The following SCARA5 variants were observed in gnomAD, a reference collection of about 807,000 sequenced individuals.
The protein encoded by SCARA5 is scavenger receptor class A member 5.
A neutral mutation model predicts 46.3 loss-of-function variants in SCARA5; 45 were observed. The ratio of observed to expected loss-of-function variants is 0.97; its 90% CI spans 0.76 to 1.24. The LOEUF is 1.24. Among genes scored for constraint, SCARA5 ranks in the 50% most tolerant of loss-of-function variants. The probability of loss-of-function intolerance (pLI) is 0.00; values close to 1 mark genes in which losing one functional copy is unlikely to be tolerated. For missense variants in SCARA5, 680 were observed against 689.0 expected (o/e 0.99, Z 0.15); for synonymous variants, 333 against 306.5 (o/e 1.09, Z -0.90).
intron 8 of SCARA5, among the ~76,000 whole-genome samples, chr8:27,874,603 G>A (rs1253382354): frequency 6.6e-6 from 1 of 152,220 alleles, no homozygotes; most frequent in South Asian, 2.1e-4. Context: ...AAAGCTTAAA[G>A]TATTTGCTAT....
intron 4 of SCARA5, among the ~76,000 whole-genome samples, chr8:27,917,048 G>A (rs1299249889): frequency 1.3e-5 from 2 of 152,136 alleles, no homozygotes; most frequent in Admixed American, 6.5e-5. Context: ...CAGAAAGCTG[G>A]TCCCGAACAG....
chr8:27,979,251 A>AT (rs1007018976), intron 2 of SCARA5, among the ~76,000 whole-genome samples: 5 of 152,018 alleles, frequency 3.3e-5, no homozygotes, highest in Non-Finnish European at 7.4e-5. Context: ...GACAGAAAAA[A>AT]CAGAAGCACT....
At chr8:27,953,362 A>G (rs1471630898) in intron 3 of SCARA5, among the ~76,000 whole-genome samples, 1 of 152,258 alleles carries the variant, frequency 6.6e-6, no homozygotes, top group Admixed American at 6.5e-5. Context: ...CATCTCCTGC[A>G]CTTGCCAGCT....
intron 4 of SCARA5, among the ~76,000 whole-genome samples, chr8:27,918,931 T>G (rs1356008649): frequency 0.23 from 10 of 44 alleles, no homozygotes; most frequent in African/African-American, 0.25. Flanking sequence ...AGGAGGAAGA[T>G]GAGAAGGAGG....
At chr8:27,880,172 C>A (rs1344117259) in intron 7 of SCARA5, among the ~76,000 whole-genome samples, 1 of 151,984 alleles carries the variant, frequency 6.6e-6, no homozygotes, top group African/African-American at 2.4e-5. Context: ...AGGACCCCTA[C>A]CTTTCACCTT....
chr8:27,881,371 T>TA, intron 7 of SCARA5, among the ~76,000 whole-genome samples: 1 of 151,842 alleles, frequency 6.6e-6, no homozygotes, highest in East Asian at 1.9e-4. Flanking sequence ...TATGCAGCCA[T>TA]AAAAAAGAAC....
chr8:27,895,005 G>A (rs1489460183), intron 7 of SCARA5, among the ~76,000 whole-genome samples: 1 of 152,138 alleles, frequency 6.6e-6, no homozygotes, highest in Non-Finnish European at 1.5e-5. Flanking sequence ...GGGACCTAAA[G>A]TCCAGGGAAC....
intron 8 of SCARA5, 137 bp from the exon 9 acceptor site, chr8:27,872,207 G>GC (rs1163275414): frequency 1.6e-5 from 12 of 754,668 alleles, no homozygotes; most frequent in African/African-American, 7.0e-5. Context: ...CCCTCTCCAC[G>GC]CCCCCCGAAG....
At chr8:27,928,254 C>A (rs938850206) in intron 3 of SCARA5, among the ~76,000 whole-genome samples, 1 of 152,150 alleles carries the variant, frequency 6.6e-6, no homozygotes, top group Non-Finnish European at 1.5e-5. Flanking sequence ...CATGTTTATG[C>A]AAACAGCTCA....
intron 2 of SCARA5, among the ~76,000 whole-genome samples, chr8:27,979,269 G>T (rs1034178957): frequency 1.3e-5 from 2 of 152,160 alleles, no homozygotes; most frequent in Non-Finnish European, 2.9e-5. Context: ...ACTGCTCAGA[G>T]CCCCAAGGGC....
At chr8:27,894,492 G>C (rs561910453) in intron 7 of SCARA5, among the ~76,000 whole-genome samples, 4 of 152,216 alleles carry the variant, frequency 2.6e-5, no homozygotes, top group Non-Finnish European at 4.4e-5. Flanking sequence ...CTGTATCTGG[G>C]AAGCACCTGG....
intron 7 of SCARA5, among the ~76,000 whole-genome samples, chr8:27,891,047 C>T (rs1048804060): frequency 6.6e-6 from 1 of 152,080 alleles, no homozygotes; most frequent in South Asian, 2.1e-4. Flanking sequence ...TTCAGACTTC[C>T]TCATTTCTTC....
At chr8:27,935,938 CT>C (rs991957428) in intron 3 of SCARA5, among the ~76,000 whole-genome samples, 3 of 152,120 alleles carry the variant, frequency 2.0e-5, no homozygotes, top group African/African-American at 2.4e-5. Context: ...TCGATAAGCC[CT>C]TTTTATTTTT....
chr8:27,926,479 G>C (rs1446264711), intron 3 of SCARA5, among the ~76,000 whole-genome samples: 1 of 152,110 alleles, frequency 6.6e-6, no homozygotes, highest in East Asian at 1.9e-4. Context: ...GATAGCATTA[G>C]GAGATATACC....
At chr8:27,968,708 T>A (rs564106321) in intron 2 of SCARA5, among the ~76,000 whole-genome samples, 1 of 152,324 alleles carries the variant, frequency 6.6e-6, no homozygotes, top group East Asian at 1.9e-4. Context: ...CTTAGCCTCA[T>A]GACAGAATAG....
At chr8:27,947,870 A>C (rs1449688841) in intron 3 of SCARA5, among the ~76,000 whole-genome samples, 1 of 152,142 alleles carries the variant, frequency 6.6e-6, no homozygotes, top group Non-Finnish European at 1.5e-5. Context: ...GTGAAAAGAT[A>C]AAATAAAAAC....
intron 7 of SCARA5, chr8:27,904,369 T>C (rs142103141): frequency 1.5e-3 from 454 of 311,890 alleles, no homozygotes; most frequent in Non-Finnish European, 2.2e-3. Flanking sequence ...AGGTACTGAG[T>C]CCTCACCAGG....
At chr8:27,928,106 T>C (rs1388523829) in intron 3 of SCARA5, among the ~76,000 whole-genome samples, 6 of 152,196 alleles carry the variant, frequency 3.9e-5, no homozygotes, top group African/African-American at 1.4e-4. Flanking sequence ...CAGAAGAGAA[T>C]TATGTCCTTC....
chr8:27,872,004 C>G lies in SCARA5; in HGVS notation c.1418G>C (p.Ser473Thr), dbSNP rs1391405273. ...KGTEETIFRC[S>T]FSKWGVTNCG... ...GTTTGTCACCCCCCATTTGGAGAAG[C>G]TGCAGCGGAAGATGGTTTCCTCTGT... Residue 473 changes from serine to threonine, a missense_variant, in exon 9 of 9, where the codon AGC (serine) becomes ACC (threonine). This residue lies in a region of SCARA5 where 219 missense variants were observed against 269.5 expected (regional missense o/e 0.81). Coordinates refer to ENST00000354914, the MANE Select transcript of SCARA5 (RefSeq NM_173833.6). The G allele has an allele frequency of 1.2e-6, 2 of 1,614,266 alleles. No individual in the cohort carries two copies. Among genetic ancestry groups the G allele is most frequent in the African/African-American group, 2.7e-5 (2 of 75,078 alleles).
Sources: allele counts gnomAD v4.1 joint callset (sites outside exome capture counted in the v4.1 genomes callset), GRCh38; gene constraint gnomAD v4.1.1; regional missense constraint gnomAD v4.1.1; transcripts MANE v1.5; gene names NCBI Gene and HGNC (gene_info 2026-07-23, HGNC 2026-07-21).